KCND2: variants seen among roughly 807,000 people sequenced by gnomAD.
KCND2 encodes potassium voltage-gated channel subfamily D member 2.
A neutral mutation model predicts 54.4 loss-of-function variants in KCND2; 16 were observed. The observed-to-expected ratio is 0.29, with a 90% CI of 0.20 to 0.45. KCND2 has a LOEUF of 0.45. Ranked by LOEUF, KCND2 falls within the 20% of genes least tolerant of loss-of-function variation. The pLI is 1.00. For missense variants in KCND2, 486 were observed against 824.2 expected (o/e 0.59, Z 5.02); for synonymous variants, 317 against 310.7 (o/e 1.02, Z -0.21).
At chr7:120,509,650 T>C (rs1803081942) in intron 1 of KCND2, among the ~76,000 whole-genome samples, 1 of 152,052 alleles carries the variant, frequency 6.6e-6, no homozygotes, top group Non-Finnish European at 1.5e-5. Context: ...TTATTTTATT[T>C]GTACATGGAA....
intron 1 of KCND2, among the ~76,000 whole-genome samples, chr7:120,398,736 A>T (rs1327214748): frequency 1.3e-5 from 2 of 152,140 alleles, no homozygotes; most frequent in African/African-American, 2.4e-5. Flanking sequence ...ACACCTTGCT[A>T]AGAAGTTCAG....
chr7:120,687,040 G>A (rs921181550), intron 1 of KCND2, among the ~76,000 whole-genome samples: 16 of 152,004 alleles, frequency 1.1e-4, no homozygotes, highest in Non-Finnish European at 2.2e-4. Flanking sequence ...GTGTGTGGAG[G>A]GGTCCTCTCC....
intron 1 of KCND2, among the ~76,000 whole-genome samples, chr7:120,606,434 T>G (rs1041925314): frequency 6.6e-6 from 1 of 152,186 alleles, no homozygotes; most frequent in African/African-American, 2.4e-5. Context: ...TTTGGTGTTG[T>G]ATCTAACAAA....
chr7:120,369,900 C>T (rs1320739202), intron 1 of KCND2, among the ~76,000 whole-genome samples: 1 of 152,014 alleles, frequency 6.6e-6, no homozygotes, highest in Non-Finnish European at 1.5e-5. Context: ...TAATCATGAA[C>T]TTATACATAT....
intron 1 of KCND2, among the ~76,000 whole-genome samples, chr7:120,440,814 A>G (rs980565420): frequency 2.6e-5 from 4 of 152,016 alleles, no homozygotes; most frequent in Admixed American, 2.6e-4. Flanking sequence ...TTCTCTGAAG[A>G]TATCTCCTAT....
intron 1 of KCND2, among the ~76,000 whole-genome samples, chr7:120,482,972 A>G (rs1044935872): frequency 7.9e-5 from 12 of 152,130 alleles, no homozygotes; most frequent in Non-Finnish European, 1.8e-4. Flanking sequence ...TATTATCTTC[A>G]TAGTGCAGGT....
chr7:120,421,476 C>A (rs887478280), intron 1 of KCND2, among the ~76,000 whole-genome samples: 1 of 152,198 alleles, frequency 6.6e-6, no homozygotes, highest in Non-Finnish European at 1.5e-5. Flanking sequence ...GAAACATGAA[C>A]ACATTCATTG....
intron 1 of KCND2, among the ~76,000 whole-genome samples, chr7:120,629,720 G>C (rs1793209759): frequency 6.6e-6 from 1 of 152,174 alleles, no homozygotes; most frequent in Non-Finnish European, 1.5e-5. Flanking sequence ...TGGTAATGCA[G>C]TTGGAATGGT....
intron 1 of KCND2, among the ~76,000 whole-genome samples, chr7:120,570,595 C>G (rs1792353418): frequency 6.6e-6 from 1 of 152,126 alleles, no homozygotes; most frequent in Non-Finnish European, 1.5e-5. Flanking sequence ...GTTTCTCTCT[C>G]AATGGCAATT....
chr7:120,664,343 A>G (rs1232698606), intron 1 of KCND2, among the ~76,000 whole-genome samples: 3 of 152,100 alleles, frequency 2.0e-5, no homozygotes, highest in Admixed American at 1.3e-4. Context: ...ATGTAAAATT[A>G]TACATATGCC....
At chr7:120,277,828 T>C (rs1441820996) in intron 1 of KCND2, among the ~76,000 whole-genome samples, 1 of 151,986 alleles carries the variant, frequency 6.6e-6, no homozygotes, top group Non-Finnish European at 1.5e-5. Context: ...TTGAAAATAT[T>C]TAAGAAATTG....
chr7:120,570,536 A>G (rs1246190634), intron 1 of KCND2, among the ~76,000 whole-genome samples: 1 of 152,012 alleles, frequency 6.6e-6, no homozygotes, highest in Non-Finnish European at 1.5e-5. Context: ...TGTTTTAATA[A>G]CAAAAAAGTG....
At chr7:120,318,716 A>T (rs146691555) in intron 1 of KCND2, among the ~76,000 whole-genome samples, 14 of 152,202 alleles carry the variant, frequency 9.2e-5, no homozygotes, top group Non-Finnish European at 1.5e-4. Context: ...GTCTCATGTT[A>T]TGAAGAAATA....
chr7:120,611,148 T>C (rs1792949310), intron 1 of KCND2, among the ~76,000 whole-genome samples: 1 of 152,208 alleles, frequency 6.6e-6, no homozygotes, highest in South Asian at 2.1e-4. Flanking sequence ...TAGACAAGTC[T>C]ACCCCGATGA....
rs1235011234 is a variant in KCND2 at position 120,273,811 on chromosome 7, T to C, written c.-822T>C. 2.0e-5 allele frequency: 3 copies of C among 152,880 alleles called. No homozygotes were observed. The highest frequency in any genetic ancestry group is 7.2e-5 in the African/African-American group (3 of 41,470). 9.5% of individuals were successfully genotyped at this position (152,880 alleles called of 1,614,324 possible). ...CGTTCTGCGCGGAAGCAGATGCTGC[T>C]GCCGCCACGGCGGCGGCGGCTGCCA... On this transcript the variant is annotated 5_prime_UTR_variant, in exon 1 of 6. Coordinates refer to ENST00000331113, the MANE Select transcript of KCND2 (RefSeq NM_012281.3).
chr7:120,645,846 G>T (rs1793436255), intron 1 of KCND2, among the ~76,000 whole-genome samples: 2 of 152,286 alleles, frequency 1.3e-5, no homozygotes, highest in South Asian at 4.1e-4. Context: ...AGGGTTTTGT[G>T]TTCAGTGACA....
chr7:120,595,791 C>T (rs556540518), intron 1 of KCND2, among the ~76,000 whole-genome samples: 44 of 151,744 alleles, frequency 2.9e-4, no homozygotes, highest in African/African-American at 9.7e-4. Context: ...TTAAGCTACA[C>T]TGTGAGTTCC....
intron 1 of KCND2, among the ~76,000 whole-genome samples, chr7:120,422,780 C>T (rs371989539): frequency 1.3e-5 from 2 of 152,202 alleles, no homozygotes; most frequent in Non-Finnish European, 2.9e-5. Flanking sequence ...AACTGGCCCT[C>T]AACACAGCTA....
chr7:120,580,938 GA>G (rs1478141834), intron 1 of KCND2, among the ~76,000 whole-genome samples: 1 of 152,122 alleles, frequency 6.6e-6, no homozygotes, highest in Non-Finnish European at 1.5e-5. Flanking sequence ...AAATTCAGTA[GA>G]AAACTGGACT....
Sources: allele counts gnomAD v4.1 joint callset (sites outside exome capture counted in the v4.1 genomes callset), GRCh38; gene constraint gnomAD v4.1.1; transcripts MANE v1.5; gene names NCBI Gene and HGNC (gene_info 2026-07-23, HGNC 2026-07-21).